Variants in UBXN8 observed in about 807,000 individuals in gnomAD.
UBXN8 encodes the protein UBX domain protein 8, also known as UBX domain-containing protein 8.
UBXN8 carries 27 observed loss-of-function variants against 32.1 expected under a neutral mutation model. The observed-to-expected ratio is 0.84, with a 90% CI of 0.62 to 1.16. The LOEUF (loss-of-function observed/expected upper bound fraction) is 1.16, where lower values mean the gene tolerates loss of function less well. UBXN8 is among the 50% of genes most tolerant of loss of function. UBXN8 has a pLI of 0.00. For synonymous variants in UBXN8, 109 were observed against 111.8 expected, an observed-to-expected ratio of 0.98 and a Z score of 0.16; for missense variants, 306 against 311.4, an observed-to-expected ratio of 0.98 and a Z score of 0.13.
At chr8:30,758,955 G>A (rs1295983979) in intron 5 of UBXN8, among the ~76,000 whole-genome samples, 2 of 141,714 alleles carry the variant, frequency 1.4e-5, no homozygotes, top group African/African-American at 2.6e-5. Context: ...GTGCAGTGGC[G>A]TGATCTCGGC....
At position 30,751,519 on chromosome 8, in the gene UBXN8, G is replaced by T. The variant is rs376301791; in HGVS notation, c.211+1G>T. 3 of 1,595,366 alleles carry T rather than the reference G, an allele frequency of 1.9e-6. No homozygotes were observed. In the South Asian group the frequency reaches 3.4e-5, roughly 18 times the overall value. On this transcript the variant is annotated splice_donor_variant, in intron 2 of 7. Coordinates refer to ENST00000265616, the MANE Select transcript of UBXN8 (RefSeq NM_005671.4). LOFTEE classifies it high-confidence loss of function. ...AAATCTCCCCAAGTTTATCTGAAGG[G>T]TAAGTTTATTATTTATTCTACCCTT...
At chr8:30,760,756 T>C (rs1805811735) in intron 5 of UBXN8, 132 bp from the exon 6 acceptor site, 3 of 626,784 alleles carry the variant, frequency 4.8e-6, no homozygotes, top group Non-Finnish European at 8.3e-6. Flanking sequence ...ATAAACTCTT[T>C]ATAGATGTAT....
chr8:30,733,334 C>G (rs983436447), intron 1 of UBXN8: 7 of 152,220 alleles, frequency 4.6e-5, no homozygotes, highest in African/African-American at 9.7e-5. Flanking sequence ...TTTACACTGA[C>G]TCTTGATATG....
At position 30,766,391 on chromosome 8, in the gene UBXN8, C is replaced by A; in HGVS notation, c.810C>A (p.Asn270Lys). The stretch of plus-strand genomic sequence containing the variant: ...TCCTGGAGGAGAAGGAGCAGACCAA[C>A]TAGGAAAGAAGGGAGAGCTCCCTGT... ...VLILEEKEQT[N>K] is the part of the protein sequence containing the mutation. Residue 270 changes from asparagine (N) to lysine (K), a missense_variant, in exon 8 of 8, where the codon AAC becomes AAA. Asn to Lys is a moderately conservative substitution (Grantham distance 94). Coordinates refer to ENST00000265616, the MANE Select transcript of UBXN8 (RefSeq NM_005671.4). 1 of 1,597,496 alleles carries A rather than the reference C, an allele frequency of 6.3e-7. No homozygotes were observed. Among genetic ancestry groups the A allele is most frequent in the Admixed American group, 1.8e-5 (1 of 57,098 alleles).
chr8:30,756,616 C>CT (rs1805668136), intron 4 of UBXN8, 149 bp from the exon 5 acceptor site: 2 of 1,146,034 alleles, frequency 1.7e-6, no homozygotes, highest in Non-Finnish European at 2.4e-6. Context: ...GGAGATAATG[C>CT]TTTAATTTTT....
At position 30,756,701 on chromosome 8, in the gene UBXN8, A is replaced by G. The variant is rs1805670552; in HGVS notation, c.406-64A>G. 8.1e-6 allele frequency: 13 copies of G among 1,596,174 alleles called. No homozygotes were observed. The South Asian group carries it at 1.3e-4, about 16-fold the overall frequency. ...GTAAAAAAAGGAAAAAGGAAAAACAATTGTGAATAGAATAAAGTTGATAGA... is the reference window on the plus strand; with the variant it reads ...GTAAAAAAAGGAAAAAGGAAAAACAGTTGTGAATAGAATAAAGTTGATAGA... On this transcript the variant is annotated intron_variant, in intron 4 of 7. Transcript: ENST00000265616.
chr8:30,742,780 A>G (rs1427055181), upstream of UBXN8, among the ~76,000 whole-genome samples: 3 of 152,174 alleles, frequency 2.0e-5, no homozygotes, highest in Non-Finnish European at 2.9e-5. Flanking sequence ...TCCTTTTGGA[A>G]AGCCTTTTGC....
chr8:30,754,244 C>A lies in UBXN8; in HGVS notation c.283-421C>A, dbSNP rs1032181943. On this transcript the variant is annotated intron_variant, in intron 3 of 7. Coordinates refer to ENST00000265616, the MANE Select transcript of UBXN8 (RefSeq NM_005671.4). ...GACAGAGTGAGACTCCATCTCAAAACAAAAACAAAAACAAAGGATGTTGGC... is the reference window on the plus strand; with the variant it reads ...GACAGAGTGAGACTCCATCTCAAAAAAAAAACAAAAACAAAGGATGTTGGC... The A allele has an allele frequency of 3.7e-5, 12 of 327,504 alleles. No individual in the cohort carries two copies. In the Admixed American group the frequency reaches 4.1e-4, roughly 11 times the overall value. The allele number at this position is 327,504 out of a possible 1,614,324, so 20.3% of individuals were successfully genotyped here. A position where few individuals can be genotyped will look rare whatever the true frequency, so the allele number is the denominator to read the frequency against.
chr8:30,759,753 G>A (rs548338648), intron 5 of UBXN8, among the ~76,000 whole-genome samples: 4 of 150,872 alleles, frequency 2.7e-5, no homozygotes, highest in Admixed American at 1.3e-4. Context: ...TCAGGAAGTC[G>A]AGACCATCTT....
At chr8:30,744,676 A>T (rs1805317195) in intron 1 of UBXN8, among the ~76,000 whole-genome samples, 1 of 152,158 alleles carries the variant, frequency 6.6e-6, no homozygotes, top group Non-Finnish European at 1.5e-5. Context: ...GGTTCAAGAG[A>T]TCCTCCTGCC....
chr8:30,740,207 G>A (rs1189945979), upstream of UBXN8, among the ~76,000 whole-genome samples: 1 of 151,636 alleles, frequency 6.6e-6, no homozygotes, highest in Non-Finnish European at 1.5e-5. Flanking sequence ...TTTGTATCTT[G>A]CTTGGGATTT....
intron 2 of UBXN8, 122 bp downstream of exon 2, chr8:30,751,640 T>A (rs1805526825): frequency 2.5e-6 from 2 of 787,702 alleles, no homozygotes; most frequent in East Asian, 6.0e-5. Context: ...GGGAGAGTAA[T>A]CAGTACAACT....
chr8:30,754,568 G>T (rs557787703), intron 3 of UBXN8, 97 bp from the exon 4 acceptor site: 8 of 1,451,368 alleles, frequency 5.5e-6, no homozygotes, highest in Non-Finnish European at 7.3e-6. Flanking sequence ...CAGCCAGCAG[G>T]GTTCTTACTT....
chr8:30,763,516 A>G (rs1389972339), intron 7 of UBXN8, among the ~76,000 whole-genome samples, 169 bp downstream of exon 7: 1 of 152,230 alleles, frequency 6.6e-6, no homozygotes, highest in Non-Finnish European at 1.5e-5. Context: ...CTAACTAGGC[A>G]TGCCTGCCGG....
At chr8:30,757,964 G>C (rs1434427713) in intron 5 of UBXN8, among the ~76,000 whole-genome samples, 1 of 151,296 alleles carries the variant, frequency 6.6e-6, no homozygotes, top group African/African-American at 2.4e-5. Context: ...TCAGCTCACT[G>C]CAGGCTCTGC....
At chr8:30,730,308 G>A (rs185731051), upstream of UBXN8, among the ~76,000 whole-genome samples, 12 of 152,252 alleles carry the variant, frequency 7.9e-5, no homozygotes, top group African/African-American at 2.4e-4. Context: ...CACCTCTGCC[G>A]ACCTTCTCAA....
At chr8:30,729,910 C>T (rs1804911205), upstream of UBXN8, among the ~76,000 whole-genome samples, 2 of 152,124 alleles carry the variant, frequency 1.3e-5, no homozygotes, top group South Asian at 4.2e-4. Flanking sequence ...CAGGCAGCAG[C>T]AGTGCTAGTA....
intron 7 of UBXN8, among the ~76,000 whole-genome samples, chr8:30,765,429 A>G (rs1176946380): frequency 6.6e-6 from 1 of 151,936 alleles, no homozygotes; most frequent in Non-Finnish European, 1.5e-5. Context: ...ATGCACCACC[A>G]GGCCTGGCTA....
At chr8:30,756,622 T>C in intron 4 of UBXN8, 143 bp from the exon 5 acceptor site, 2 of 1,220,186 alleles carry the variant, frequency 1.6e-6, no homozygotes, top group South Asian at 1.5e-5. Flanking sequence ...AATGCTTTAA[T>C]TTTTTGGGTC....
Sources: gnomAD v4.1 joint callset for allele counts (sites outside exome capture counted in the v4.1 genomes callset) on GRCh38, gnomAD v4.1.1 for gene constraint, MANE v1.5 for transcripts, NCBI Gene and HGNC (gene_info 2026-07-23, HGNC 2026-07-21) for gene names.